DST: variants seen among roughly 807,000 people sequenced by gnomAD.
DST encodes dystonin, also known as bullous pemphigoid antigen.
Under a neutral mutation model 875.2 loss-of-function variants are expected in DST, and 253 were observed. The observed-to-expected ratio is 0.29, with a 90% confidence interval of 0.26 to 0.32. The LOEUF (loss-of-function observed/expected upper bound fraction) is 0.32, where lower values mean the gene tolerates loss of function less well. Ranked by LOEUF, DST falls within the 10% of genes least tolerant of loss-of-function variation. The pLI, the probability that DST is intolerant of heterozygous loss-of-function variation, is 1.00. For synonymous variants in DST, 3,124 were observed against 3,197.1 expected (o/e 0.98, Z 0.77); for missense variants, 8,287 against 9,111.6 (o/e 0.91, Z 3.68).
intron 2 of DST, among the ~76,000 whole-genome samples, chr6:56,907,242 T>A (rs1215114853): frequency 6.6e-6 from 1 of 152,056 alleles, no homozygotes; most frequent in Non-Finnish European, 1.5e-5. Flanking sequence ...TCTAGTTGTA[T>A]TAAATTCTCT....
At chr6:56,710,468 C>T (rs144760910) in intron 5 of DST, among the ~76,000 whole-genome samples, 310 of 152,254 alleles carry the variant, frequency 2.0e-3, no homozygotes, top group African/African-American at 6.9e-3. Context: ...GGATAGTTTG[C>T]TTTAGTGAAA....
chr6:56,593,149 T>C (rs1000551436), intron 48 of DST, among the ~76,000 whole-genome samples: 5 of 152,102 alleles, frequency 3.3e-5, no homozygotes, highest in African/African-American at 9.7e-5. Context: ...CTGGAAATCA[T>C]GCTCTCAAAA....
chr6:56,699,581 A>G (rs1465005131), intron 9 of DST, 72 bp downstream of exon 9: 1 of 684,006 alleles, frequency 1.5e-6, no homozygotes, highest in Non-Finnish European at 2.5e-6. Flanking sequence ...ACATGAATGC[A>G]TCATTCACCC....
chr6:56,694,570 T>C (rs1316097421), intron 9 of DST, among the ~76,000 whole-genome samples: 1 of 152,196 alleles, frequency 6.6e-6, no homozygotes, highest in Non-Finnish European at 1.5e-5. Flanking sequence ...GAGTGGTACA[T>C]TATTCAAGAG....
chr6:56,645,026 G>A (rs1587666797), intron 15 of DST, among the ~76,000 whole-genome samples: 1 of 152,210 alleles, frequency 6.6e-6, no homozygotes, highest in African/African-American at 2.4e-5. Context: ...CATGTAAGAT[G>A]TGACTTTGCT....
intron 2 of DST, among the ~76,000 whole-genome samples, chr6:56,943,898 C>T (rs1489187876): frequency 1.3e-5 from 2 of 151,986 alleles, no homozygotes; most frequent in Non-Finnish European, 2.9e-5. Flanking sequence ...GGGTGGATCA[C>T]TTGAAGTCAG....
At chr6:56,611,896 G>A (rs894153659) in intron 37 of DST, among the ~76,000 whole-genome samples, 5 of 152,158 alleles carry the variant, frequency 3.3e-5, no homozygotes, top group South Asian at 2.1e-4. Context: ...GCCTCCACCC[G>A]CAGGTGGGCA....
chr6:56,647,658 G>T (rs182728915), intron 13 of DST, among the ~76,000 whole-genome samples: 3 of 150,748 alleles, frequency 2.0e-5, no homozygotes, highest in South Asian at 2.1e-4. Flanking sequence ...TCTTTAATAA[G>T]TTTACATATT....
At chr6:56,724,504 G>A (rs2099438271) in intron 5 of DST, among the ~76,000 whole-genome samples, 3 of 152,216 alleles carry the variant, frequency 2.0e-5, no homozygotes, top group Admixed American at 2.0e-4. Context: ...GCTAGAATCT[G>A]CTCAGGCAGG....
chr6:56,485,383 G>C lies in DST; in HGVS notation c.21136C>G (p.Pro7046Ala), dbSNP rs2095527705. 6.2e-7 allele frequency: 1 copy of C among 1,613,784 alleles called. No individual in the cohort carries two copies. The highest frequency in any genetic ancestry group is 1.3e-5 in the African/African-American group (1 of 74,904). Reference protein sequence around the residue: ...ALIDWLYRVEPQLAEDQPVHG... With the variant: ...ALIDWLYRVEAQLAEDQPVHG... ...ACAGGCTGGTCTTCTGCCAGCTGGGGTTCAACTCTATATAACCAATCAATG... is the reference window on the plus strand; with the variant it reads ...ACAGGCTGGTCTTCTGCCAGCTGGGCTTCAACTCTATATAACCAATCAATG... The change falls in exon 88 of 104, where the codon CCC (proline) becomes GCC (alanine). Residue 7046 changes from proline to alanine, a missense_variant. Physicochemically the swap from Pro to Ala is conservative, Grantham distance 27. Around this residue, in one of 10 missense-constraint regions of DST, gnomAD observed 1,292 missense variants for 1,552.7 expected, o/e 0.83. Coordinates refer to ENST00000680361, the MANE Select transcript of DST (RefSeq NM_001374736.1).
rs187833810 is a variant in DST at position 56,870,903 on chromosome 6, T to A, written c.418-19299A>T. ...ATATTTAAATAAAGGGAAAAGAGTA[T>A]CAAAAGTAGGAGTTAGGAATAAGAG... On this transcript the variant is annotated intron_variant, in intron 3 of 103. Coordinates refer to ENST00000680361, the MANE Select transcript of DST (RefSeq NM_001374736.1). Among the ~76,000 whole-genome samples, 42 of 150,780 alleles carry A rather than the reference T, an allele frequency of 2.8e-4. No homozygotes were observed. In the East Asian group the frequency reaches 7.7e-3, roughly 28 times the overall value.
intron 2 of DST, among the ~76,000 whole-genome samples, chr6:56,915,231 TA>T: frequency 6.6e-6 from 1 of 152,198 alleles, no homozygotes; most frequent in Non-Finnish European, 1.5e-5. Flanking sequence ...AGTCACGGTT[TA>T]AAAATATGTA....
chr6:56,504,210 AG>A, intron 77 of DST, 112 bp from the exon 78 acceptor site: 1 of 696,672 alleles, frequency 1.4e-6, no homozygotes, highest in Non-Finnish European at 2.3e-6. Flanking sequence ...TTATAGAATT[AG>A]ACTATTTTAT....
At chr6:56,555,302 T>TTAATCTGTCTCGGC in intron 60 of DST, 43 bp downstream of exon 60, 1 of 1,526,512 alleles carries the variant, frequency 6.6e-7, no homozygotes, top group Non-Finnish European at 8.8e-7. Flanking sequence ...ATATATGACA[T>TTAATCTGTCTCGGC]TTATTTCTGA....
intron 27 of DST, 92 bp downstream of exon 27, chr6:56,634,040 C>T: frequency 6.9e-7 from 1 of 1,451,674 alleles, no homozygotes; most frequent in South Asian, 1.1e-5. Flanking sequence ...CGGACTCCAT[C>T]CTATTCTAAA....
chr6:56,585,031 T>C (rs1186938832), intron 49 of DST, among the ~76,000 whole-genome samples: 14 of 152,088 alleles, frequency 9.2e-5, no homozygotes, highest in African/African-American at 3.4e-4. Context: ...TCAATGTTCA[T>C]CAAGGATATT....
intron 49 of DST, among the ~76,000 whole-genome samples, chr6:56,582,462 C>T (rs1303134118): frequency 6.6e-6 from 1 of 152,046 alleles, no homozygotes; most frequent in Non-Finnish European, 1.5e-5. Context: ...TCCTGCTTTG[C>T]CTTGCACCAT....
In DST at chr6:56,605,972, T is replaced by G. The variant is rs2098492807; in HGVS notation, c.8656A>C (p.Asn2886His). The change falls in exon 40 of 104, where the codon AAT (asparagine) becomes CAT (histidine). Residue 2886 changes from asparagine to histidine, a missense_variant. Physicochemically the swap from Asn to His is moderately conservative, Grantham distance 68 (BLOSUM62 1). This residue lies in a region of DST where 3,138 missense variants were observed against 3,116.6 expected (regional missense o/e 1.01). Transcript: ENST00000680361. ...NVVQLASPSE[N>H]NLVTEKSNLP... ...TTGCTTTTTTCAGTAACTAAGTTAT[T>G]TTCACTAGGTGATGCTAGCTGTACA... The G allele has an allele frequency of 2.5e-6, 4 of 1,612,816 alleles. No individual in the cohort carries two copies. In the East Asian group the frequency reaches 8.9e-5, roughly 36 times the overall value.
At chr6:56,695,623 A>G (rs2152866387) in intron 9 of DST, among the ~76,000 whole-genome samples, 2 of 152,320 alleles carry the variant, frequency 1.3e-5, no homozygotes, top group East Asian at 3.9e-4. Context: ...CACCAATAAT[A>G]TTCATCACCC....
Sources: gnomAD v4.1 joint callset for allele counts (sites outside exome capture counted in the v4.1 genomes callset) on GRCh38, gnomAD v4.1.1 for gene constraint, gnomAD v4.1.1 regional missense constraint, MANE v1.5 for transcripts, NCBI Gene and HGNC (gene_info 2026-07-23, HGNC 2026-07-21) for gene names.